The following CENPE variants were observed in gnomAD, a reference collection of about 807,000 sequenced individuals.
The protein encoded by CENPE is centromere protein E, also known as centromere-associated protein E.
In CENPE, 145 loss-of-function variants were observed where a neutral mutation model predicts 336.1. That is an observed-to-expected ratio of 0.43 (90% CI 0.38 to 0.50). The LOEUF (loss-of-function observed/expected upper bound fraction) is 0.50. CENPE is among the 20% of genes least tolerant of loss of function. CENPE has a pLI of 0.00. For synonymous variants in CENPE, 1,013 were observed against 984.8 expected (o/e 1.03, Z -0.54); for missense variants, 2,719 against 3,023.3 (o/e 0.90, Z 2.36).
chr4:103,173,630 T>TTTGCAATATTTGC (rs1212496499), intron 16 of CENPE, among the ~76,000 whole-genome samples: 49 of 151,254 alleles, frequency 3.2e-4, no homozygotes, highest in Admixed American at 4.6e-4. Flanking sequence ...TTGCAAAATA[T>TTTGCAATATTTGC]ACATCTGACA....
rs1338939068 is a variant in CENPE, at chr4:103,120,162, T to C, written c.7315A>G (p.Ile2439Val). Residue 2439 changes from isoleucine to valine, a missense_variant, in exon 44 of 49, where the codon ATT becomes GTT. By Grantham distance (29) the Ile-to-Val change is conservative. This residue lies in a region of CENPE where 2,437 missense variants were observed against 2,513.3 expected (regional missense o/e 0.97). Coordinates refer to ENST00000265148, the MANE Select transcript of CENPE (RefSeq NM_001813.3). ...GTTTAAGTTACCTGAAGTACTTGAA[T>C]TGTCTCTTTTGTTTTTTCAAGGCAT... is the stretch of plus-strand genomic sequence containing the variant. Reference protein sequence around the residue: ...NKCLEKTKETIQVLQDKVALG... With the variant: ...NKCLEKTKETVQVLQDKVALG... 4 of 1,597,830 alleles carry C rather than the reference T, an allele frequency of 2.5e-6. No individual in the cohort carries two copies. The highest frequency in any genetic ancestry group is 2.7e-5 in the African/African-American group (2 of 73,880).
intron 17 of CENPE, 80 bp downstream of exon 17, chr4:103,163,399 G>A: frequency 7.9e-7 from 1 of 1,268,908 alleles, no homozygotes; most frequent in Non-Finnish European, 1.1e-6. Context: ...CCTTATTTCT[G>A]ACATCATGTT....
At chr4:103,176,716 C>A (rs543133815) in intron 14 of CENPE, among the ~76,000 whole-genome samples, 183 bp downstream of exon 14, 1 of 152,140 alleles carries the variant, frequency 6.6e-6, no homozygotes, top group Non-Finnish European at 1.5e-5. Context: ...CCTGCAACCA[C>A]GCACAGCTAG....
chr4:103,130,516 A>G (rs1297525483), intron 42 of CENPE, among the ~76,000 whole-genome samples: 1 of 152,202 alleles, frequency 6.6e-6, no homozygotes, highest in East Asian at 1.9e-4. Context: ...AAAATAAAAG[A>G]ATCAAATAAA....
rs1754206690 is a variant in CENPE at position 103,159,095 on chromosome 4, T to C, written c.2516A>G (p.Glu839Gly). The change falls in exon 22 of 49, where the codon GAG becomes GGG. Residue 839 changes from glutamate (E) to glycine (G), a missense_variant. Physicochemically the swap from Glu to Gly is moderately conservative, Grantham distance 98 (BLOSUM62 -2). Coordinates refer to ENST00000265148, the MANE Select transcript of CENPE (RefSeq NM_001813.3). ...TATTTCCTGATTCATTCTCTCATTCTCCTCAAGGACCATCTTATACTTTTG... is the reference window on the plus strand; with the variant it reads ...TATTTCCTGATTCATTCTCTCATTCCCCTCAAGGACCATCTTATACTTTTG... ...FEQKYKMVLE[E>G]NERMNQEIVN... 5.1e-6 allele frequency: 8 copies of C among 1,577,346 alleles called. No individual in the cohort carries two copies. The East Asian group carries it at 1.8e-4, about 35-fold the overall frequency.
intron 26 of CENPE, among the ~76,000 whole-genome samples, chr4:103,150,514 G>A (rs1000255360): frequency 6.6e-6 from 1 of 152,010 alleles, no homozygotes; most frequent in African/African-American, 2.4e-5. Flanking sequence ...ACCCAGGGGG[G>A]GTTGAGGCTA....
At chr4:103,151,480 G>A in intron 25 of CENPE, 103 bp from the exon 26 acceptor site, 4 of 854,588 alleles carry the variant, frequency 4.7e-6, no homozygotes, top group South Asian at 2.4e-5. Flanking sequence ...GAAGAAATCA[G>A]GGAAAACTAT....
chr4:103,115,608 T>C (rs1437956465), intron 45 of CENPE, among the ~76,000 whole-genome samples: 1 of 152,196 alleles, frequency 6.6e-6, no homozygotes, highest in African/African-American at 2.4e-5. Context: ...GAATGAAAAG[T>C]GTTAAAAGCC....
In CENPE at chr4:103,148,575, C is replaced by G. The variant is rs142495013; in HGVS notation, c.3843+269G>C. Reference sequence around the variant, plus strand: ...TTCACTTTCTCCATAGCATTTACCACTATTTAATGTTTTCTTGTTCATTTG... The same window carrying G: ...TTCACTTTCTCCATAGCATTTACCAGTATTTAATGTTTTCTTGTTCATTTG... On this transcript the variant is annotated intron_variant, in intron 28 of 48. Coordinates refer to ENST00000265148, the MANE Select transcript of CENPE (RefSeq NM_001813.3). Among the ~76,000 whole-genome samples, 84 of 152,330 alleles carry G rather than the reference C, an allele frequency of 5.5e-4. 1 individual carries two copies. The highest frequency in any genetic ancestry group is 1.9e-3 in the African/African-American group (78 of 41,574).
intron 16 of CENPE, among the ~76,000 whole-genome samples, chr4:103,164,652 A>C (rs1754755304): frequency 6.6e-6 from 1 of 152,142 alleles, no homozygotes; most frequent in South Asian, 2.1e-4. Flanking sequence ...TTCTTCAGGT[A>C]ATCTATCCAA....
At chr4:103,139,767 C>G (rs779590577) in intron 38 of CENPE, 22 bp downstream of exon 38, 1 of 1,561,616 alleles carries the variant, frequency 6.4e-7, no homozygotes, top group Admixed American at 2.1e-5. Flanking sequence ...AGTTACTACA[C>G]AAAGGAAGAC....
intron 11 of CENPE, among the ~76,000 whole-genome samples, chr4:103,182,367 G>A (rs1756397003): frequency 6.6e-6 from 1 of 152,172 alleles, no homozygotes; most frequent in South Asian, 2.1e-4. Flanking sequence ...GAAGGCAACA[G>A]TTAACTACCA....
intron 16 of CENPE, 69 bp downstream of exon 16, chr4:103,174,667 A>G (rs1325032648): frequency 7.0e-6 from 8 of 1,145,232 alleles, no homozygotes; most frequent in African/African-American, 1.6e-5. Flanking sequence ...AGCTTACATT[A>G]TAGAAAAAAG....
intron 16 of CENPE, among the ~76,000 whole-genome samples, chr4:103,170,530 G>GA (rs1755317399): frequency 1.3e-5 from 2 of 151,378 alleles, no homozygotes; most frequent in Admixed American, 1.3e-4. Context: ...AACCACGAAG[G>GA]AAAAAAACCT....
chr4:103,106,215 G>A lies in CENPE; in HGVS notation c.*7C>T. The A allele has an allele frequency of 6.5e-7, 1 of 1,540,560 alleles. No homozygotes were observed. Among genetic ancestry groups the A allele is most frequent in the Non-Finnish European group, 8.8e-7 (1 of 1,136,320 alleles). ...GCTGGATCTCCAGAGAAGTGACAAAGAGGAGTCTACTGAGTTTTGCACTCA... is the reference window on the plus strand; with the variant it reads ...GCTGGATCTCCAGAGAAGTGACAAAAAGGAGTCTACTGAGTTTTGCACTCA... On this transcript the variant is annotated 3_prime_UTR_variant, in exon 49 of 49. Coordinates refer to ENST00000265148, the MANE Select transcript of CENPE (RefSeq NM_001813.3).
intron 35 of CENPE, 63 bp downstream of exon 35, chr4:103,141,687 C>A: frequency 8.3e-7 from 1 of 1,200,562 alleles, no homozygotes; most frequent in Non-Finnish European, 1.2e-6. Flanking sequence ...CATTTTATAT[C>A]CCCAACAATT....
intron 25 of CENPE, among the ~76,000 whole-genome samples, chr4:103,152,684 C>T (rs758792988): frequency 3.3e-5 from 5 of 152,048 alleles, no homozygotes; most frequent in Admixed American, 6.6e-5. Flanking sequence ...TATTCCTTGG[C>T]AGTAAAAGGG....
At chr4:103,157,333 G>C (rs973076508) in intron 24 of CENPE, among the ~76,000 whole-genome samples, 1 of 152,054 alleles carries the variant, frequency 6.6e-6, no homozygotes, top group Non-Finnish European at 1.5e-5. Flanking sequence ...ATAATGGGTA[G>C]AAGCAACGCA....
chr4:103,171,273 G>T (rs1755387444), intron 16 of CENPE, among the ~76,000 whole-genome samples: 1 of 151,926 alleles, frequency 6.6e-6, no homozygotes, highest in Non-Finnish European at 1.5e-5. Context: ...ATCATATTAG[G>T]CCACAAAAAC....
Sources: gnomAD v4.1 joint callset for allele counts (sites outside exome capture counted in the v4.1 genomes callset) on GRCh38, gnomAD v4.1.1 for gene constraint, gnomAD v4.1.1 regional missense constraint, MANE v1.5 for transcripts, NCBI Gene and HGNC (gene_info 2026-07-23, HGNC 2026-07-21) for gene names.